CMTR1: variants seen among roughly 807,000 people sequenced by gnomAD.
CMTR1 encodes cap methyltransferase 1.
In CMTR1, 39 loss-of-function variants were observed where a neutral mutation model predicts 107.0. The observed-to-expected ratio is 0.36, with a 90% CI of 0.28 to 0.48. CMTR1 has a LOEUF of 0.48. CMTR1 is among the 20% of genes least tolerant of loss of function. The pLI is 0.99. For missense variants in CMTR1, 672 were observed against 1,064.9 expected (o/e 0.63, Z 5.14); for synonymous variants, 366 against 379.5 (o/e 0.96, Z 0.41).
intron 1 of CMTR1, 88 bp downstream of exon 1, chr6:37,433,465 C>G (rs1402257193): frequency 1.3e-5 from 2 of 152,518 alleles, no homozygotes; most frequent in Non-Finnish European, 2.9e-5. Context: ...CCTGGGCCCC[C>G]CGCCCGCGGT....
intron 2 of CMTR1, among the ~76,000 whole-genome samples, chr6:37,439,785 A>G (rs376172083): frequency 6.6e-6 from 1 of 151,980 alleles, no homozygotes; most frequent in African/African-American, 2.4e-5. Flanking sequence ...CTTTGTTGTC[A>G]CTGTCATTTT....
chr6:37,427,796 C>T, the CMTR1 span, among the ~76,000 whole-genome samples: 2,061 of 152,162 alleles, frequency 0.014, 37 homozygotes, highest in African/African-American at 0.046. This position sits in a 1 kb window ranked among gnomAD's most constrained non-coding sequence, Gnocchi z 4.4. Flanking sequence ...AGTTTTTCTT[C>T]ATCTGAGAAT....
At position 37,473,611 on chromosome 6, in the gene CMTR1, C is replaced by A. The variant is rs775496515; in HGVS notation, c.1821+10C>A. 1 of 1,611,408 alleles carries A rather than the reference C, an allele frequency of 6.2e-7. No individual in the cohort carries two copies. The highest frequency in any genetic ancestry group is 8.5e-7 in the Non-Finnish European group (1 of 1,178,644). On this transcript the variant is annotated intron_variant, in intron 17 of 23. Coordinates refer to ENST00000373451, the MANE Select transcript of CMTR1 (RefSeq NM_015050.3). ...CCTCATCGGCCTGGGGGTAAGTCTGCAGCTGGCTTCCTGCCCAGCTTGGAA... is the reference window on the plus strand; with the variant it reads ...CCTCATCGGCCTGGGGGTAAGTCTGAAGCTGGCTTCCTGCCCAGCTTGGAA...
In CMTR1 at chr6:37,462,004, C is replaced by T. The variant is rs1257021706; in HGVS notation, c.1227C>T (p.Phe409=). The T allele has an allele frequency of 1.2e-6, 2 of 1,613,884 alleles. No homozygotes were observed. The highest frequency in any genetic ancestry group is 3.3e-5 in the Admixed American group (2 of 59,924). The change falls in exon 12 of 24, where the codon TTC becomes TTT. Residue 409 remains phenylalanine (F), a synonymous_variant. Transcript: ENST00000373451. ...GHFICKTFDL[F]TPFSVGLVYL... is the part of the protein sequence containing the mutation. ...TCATCTGTAAAACCTTTGACCTGTT[C>T]ACACCGTTTAGTGTGGGGCTTGTCT... is the stretch of plus-strand genomic sequence containing the variant.
Position 37,480,436 on chromosome 6 carries a change from G to A in CMTR1, c.*291G>A. On this transcript the variant is annotated 3_prime_UTR_variant, in exon 24 of 24. Coordinates refer to ENST00000373451, the MANE Select transcript of CMTR1 (RefSeq NM_015050.3). ...ATGAGGTCAGTGCCTAGGGCACGTG[G>A]GACTGATGGAGGACATATCAGAGTG... 8.1e-7 allele frequency: 1 copy of A among 1,232,566 alleles called. No individual in the cohort carries two copies. Among genetic ancestry groups the A allele is most frequent in the Non-Finnish European group, 1.0e-6 (1 of 985,108 alleles). 76.4% of individuals were successfully genotyped at this position (1,232,566 alleles called of 1,614,324 possible). A position where few individuals can be genotyped will look rare whatever the true frequency, so the allele number is the denominator to read the frequency against.
At chr6:37,455,058 T>C (rs1465371209) in intron 8 of CMTR1, among the ~76,000 whole-genome samples, 1 of 151,268 alleles carries the variant, frequency 6.6e-6, no homozygotes, top group Non-Finnish European at 1.5e-5. Flanking sequence ...TAAGAGGTGA[T>C]GACAAGTGAT....
intron 8 of CMTR1, among the ~76,000 whole-genome samples, chr6:37,456,223 G>C (rs1023632946): frequency 6.6e-6 from 1 of 152,180 alleles, no homozygotes; most frequent in African/African-American, 2.4e-5. Context: ...TGTGACCCCT[G>C]CCACATTACC....
At chr6:37,462,182 G>T in intron 12 of CMTR1, 80 bp downstream of exon 12, 2 of 1,515,298 alleles carry the variant, frequency 1.3e-6, no homozygotes, top group South Asian at 2.3e-5. Flanking sequence ...TCTCTGGCAT[G>T]ACCTCTTAAG....
At position 37,481,212 on chromosome 6, in the gene CMTR1, T is replaced by G. The variant is rs997771019; in HGVS notation, c.*1067T>G. On this transcript the variant is annotated 3_prime_UTR_variant, in exon 24 of 24. Transcript: ENST00000373451. ...ACAGAGAGGAGGGGGAGCTGGGCAG[T>G]AGCTTGGGGTGGGGGTGGGCACCTG... 8.5e-6 allele frequency: 11 copies of G among 1,297,356 alleles called. No homozygotes were observed. The highest frequency in any genetic ancestry group is 1.0e-5 in the Non-Finnish European group (10 of 985,988). 80.4% of individuals were successfully genotyped at this position (1,297,356 alleles called of 1,614,324 possible). A position where few individuals can be genotyped will look rare whatever the true frequency, so the allele number is the denominator to read the frequency against.
At position 37,462,952 on chromosome 6, in the gene CMTR1, G is replaced by A. The variant is rs2113882012; in HGVS notation, c.1449G>A (p.Leu483=). The A allele has an allele frequency of 6.2e-7, 1 of 1,614,170 alleles. No homozygotes were observed. The highest frequency in any genetic ancestry group is 2.2e-5 in the East Asian group (1 of 44,890). The change falls in exon 13 of 24, where the codon CTG becomes CTA. Residue 483 remains leucine, a synonymous_variant. Transcript: ENST00000373451. ...CCGACGTCAACTTGGTGGTCCCCCT[G>A]GAGGTGATCAAGGGAGACCATGAAT... ...TDSDVNLVVP[L]EVIKGDHEFT...
In CMTR1 at chr6:37,478,490, C is replaced by T. The variant is rs1432264498; in HGVS notation, c.2235C>T (p.Pro745=). ...GGCGTGATGACCGGCACTTTGTACC[C>T]ATGGGCCTCTACATCGTCAGGACAG... is the stretch of plus-strand genomic sequence containing the variant. The part of the protein sequence containing the change: ...YTGRDDRHFV[P]MGLYIVRTVN... Residue 745 remains proline, a synonymous_variant, in exon 22 of 24, where the codon CCC becomes CCT. Coordinates refer to ENST00000373451, the MANE Select transcript of CMTR1 (RefSeq NM_015050.3). The T allele has an allele frequency of 6.2e-7, 1 of 1,614,078 alleles. No individual in the cohort carries two copies. Among genetic ancestry groups the T allele is most frequent in the Non-Finnish European group, 8.5e-7 (1 of 1,179,964 alleles).
In CMTR1 at chr6:37,471,004, A is replaced by AT. The variant is rs758763595; in HGVS notation, c.1506-8dup. 2.2e-4 allele frequency: 342 copies of AT among 1,576,712 alleles called. No individual in the cohort carries two copies. Among genetic ancestry groups the AT allele is most frequent in the Admixed American group, 5.7e-4 (31 of 54,150 alleles). ...TTTTTGGTAATCCTGAGATCAAATA[A>AT]TTTTTTTTTCTTCTAGCCACTGTAG... On this transcript the variant is annotated splice_polypyrimidine_tract_variant and intron_variant, in intron 13 of 23. Coordinates refer to ENST00000373451, the MANE Select transcript of CMTR1 (RefSeq NM_015050.3).
chr6:37,459,414 C>G, intron 9 of CMTR1, 152 bp from the exon 10 acceptor site: 1 of 663,732 alleles, frequency 1.5e-6, no homozygotes, highest in Middle Eastern at 4.1e-4. Flanking sequence ...TACTGTTGTT[C>G]CTCCTGGTCC....
At chr6:37,461,255 G>A (rs139982027) in intron 10 of CMTR1, among the ~76,000 whole-genome samples, 53 of 152,290 alleles carry the variant, frequency 3.5e-4, no homozygotes, top group African/African-American at 1.3e-3. Flanking sequence ...GGATTCCCAT[G>A]AGTTAAAACA....
chr6:37,462,054 G>A lies in CMTR1; in HGVS notation c.1277G>A (p.Arg426Gln), dbSNP rs772745947. 3.7e-6 allele frequency: 6 copies of A among 1,613,810 alleles called. No homozygotes were observed. The African/African-American group carries it at 4.0e-5, about 11-fold the overall frequency. The part of the protein sequence containing the change: ...LVYLLYCCFE[R>Q]VCLFKPITSR... The stretch of plus-strand genomic sequence containing the variant: ...TACCTGCTGTACTGCTGCTTTGAAC[G>A]AGTTTGTCTCTTCAAGCCTATTACC... Residue 426 changes from arginine to glutamine, a missense_variant, in exon 12 of 24, where the codon CGA (arginine) becomes CAA (glutamine). By Grantham distance (43) the Arg-to-Gln change is conservative (BLOSUM62 1). Around this residue, in one of 2 missense-constraint regions of CMTR1, gnomAD observed 583 missense variants for 968.4 expected, o/e 0.60. Coordinates refer to ENST00000373451, the MANE Select transcript of CMTR1 (RefSeq NM_015050.3).
At chr6:37,440,862 C>T (rs908160547) in intron 2 of CMTR1, among the ~76,000 whole-genome samples, 9 of 152,182 alleles carry the variant, frequency 5.9e-5, no homozygotes, top group African/African-American at 1.2e-4. Flanking sequence ...GTACTATCTC[C>T]GTGCTCATTG....
At chr6:37,449,757 C>T (rs1771892066) in intron 4 of CMTR1, among the ~76,000 whole-genome samples, 1 of 152,172 alleles carries the variant, frequency 6.6e-6, no homozygotes, top group African/African-American at 2.4e-5. Flanking sequence ...ATCCTGTTTA[C>T]CAGTTTCTGG....
At chr6:37,456,309 A>G (rs1002751958) in intron 8 of CMTR1, among the ~76,000 whole-genome samples, 1 of 152,252 alleles carries the variant, frequency 6.6e-6, no homozygotes, top group Non-Finnish European at 1.5e-5. Flanking sequence ...AAATGAATAT[A>G]ATCCAAAAAG....
chr6:37,431,794 A>G (rs1189600280), upstream of CMTR1, among the ~76,000 whole-genome samples: 1 of 152,152 alleles, frequency 6.6e-6, no homozygotes, highest in African/African-American at 2.4e-5. Flanking sequence ...CTGAACTCTT[A>G]AGAGACATGG....
Sources: allele counts gnomAD v4.1 joint callset (sites outside exome capture counted in the v4.1 genomes callset), GRCh38; gene constraint gnomAD v4.1.1; regional missense constraint gnomAD v4.1.1; non-coding constraint Gnocchi (gnomAD v3.1); transcripts MANE v1.5; gene names NCBI Gene and HGNC (gene_info 2026-07-23, HGNC 2026-07-21).